The following SLC26A7 variants were observed in gnomAD, a reference collection of about 807,000 sequenced individuals.
SLC26A7 encodes solute carrier family 26 member 7, also known as anion exchange transporter.
In SLC26A7, 59 loss-of-function variants were observed where a neutral mutation model predicts 82.5. The observed-to-expected ratio is 0.72, with a 90% CI of 0.58 to 0.89. SLC26A7 has a LOEUF of 0.89. Among genes scored for constraint, SLC26A7 ranks in the 40% least tolerant of loss-of-function variants. The pLI is 0.00. For missense variants in SLC26A7, 820 were observed against 793.0 expected (o/e 1.03, Z -0.41); for synonymous variants, 271 against 274.3 (o/e 0.99, Z 0.12).
chr8:91,357,517 T>C (rs1318926380), intron 11 of SLC26A7, among the ~76,000 whole-genome samples: 1 of 152,126 alleles, frequency 6.6e-6, no homozygotes, highest in Non-Finnish European at 1.5e-5. Flanking sequence ...ACATTAATTC[T>C]ACTATTTAAC....
chr8:91,264,208 G>C (rs912937222), intron 2 of SLC26A7, among the ~76,000 whole-genome samples: 7 of 152,072 alleles, frequency 4.6e-5, no homozygotes, highest in Admixed American at 4.6e-4. Context: ...CCTGCCTGCT[G>C]AGACTCATGC....
Position 91,389,261 on chromosome 8 carries a change from C to A in SLC26A7, c.1676-77C>A, listed in dbSNP as rs1016816799. The A allele has an allele frequency of 1.0e-5, 10 of 955,042 alleles. No homozygotes were observed. The African/African-American group carries it at 1.6e-4, about 16-fold the overall frequency. 59.2% of individuals were successfully genotyped at this position (955,042 alleles called of 1,614,324 possible). A position where few individuals can be genotyped will look rare whatever the true frequency, so the allele number is the denominator to read the frequency against. On this transcript the variant is annotated intron_variant, in intron 15 of 18. Coordinates refer to ENST00000276609, the MANE Select transcript of SLC26A7 (RefSeq NM_052832.4). Reference sequence around the variant, plus strand: ...TTGTTAAACATGAGGCCACTGTTACCCTCCCACCAGTCAACAAAGCCAGCA... The same window carrying A: ...TTGTTAAACATGAGGCCACTGTTACACTCCCACCAGTCAACAAAGCCAGCA...
chr8:91,228,511 T>C (rs1301464898), intron 2 of SLC26A7, among the ~76,000 whole-genome samples: 1 of 152,190 alleles, frequency 6.6e-6, no homozygotes, highest in African/African-American at 2.4e-5. Flanking sequence ...GCCTGGATCA[T>C]GAGTTTCAGG....
chr8:91,214,211 G>A (rs1458349976), intron 1 of SLC26A7, among the ~76,000 whole-genome samples: 1 of 152,110 alleles, frequency 6.6e-6, no homozygotes, highest in African/African-American at 2.4e-5. Flanking sequence ...TTGATTGATT[G>A]AGCATGGGAA....
intron 5 of SLC26A7, among the ~76,000 whole-genome samples, chr8:91,328,622 A>G (rs1812995800): frequency 6.6e-6 from 1 of 152,154 alleles, no homozygotes; most frequent in South Asian, 2.1e-4. Flanking sequence ...GTATTCATTC[A>G]TTCAACAAAA....
At chr8:91,390,644 G>T (rs1253197866) in intron 16 of SLC26A7, among the ~76,000 whole-genome samples, 1 of 151,920 alleles carries the variant, frequency 6.6e-6, no homozygotes, top group East Asian at 1.9e-4. Context: ...GCCTCCCTGC[G>T]TGGCTTGACA....
intron 15 of SLC26A7, among the ~76,000 whole-genome samples, chr8:91,376,774 C>T (rs1586469860): frequency 6.6e-6 from 1 of 152,174 alleles, no homozygotes; most frequent in East Asian, 1.9e-4. Context: ...GGGAGGATGG[C>T]AAGGGGAGAT....
At chr8:91,303,542 G>C (rs141317837) in intron 4 of SLC26A7, among the ~76,000 whole-genome samples, 1 of 152,116 alleles carries the variant, frequency 6.6e-6, no homozygotes, top group Non-Finnish European at 1.5e-5. Flanking sequence ...GTATCTTTTA[G>C]TTAAGTTATA....
chr8:91,384,314 C>T (rs1292799862), intron 15 of SLC26A7, among the ~76,000 whole-genome samples: 1 of 152,106 alleles, frequency 6.6e-6, no homozygotes, highest in Non-Finnish European at 1.5e-5. Context: ...TCTCTCCTCT[C>T]TCATCTTCAA....
At chr8:91,245,259 A>G (rs1386323189), upstream of SLC26A7, among the ~76,000 whole-genome samples, 1 of 152,182 alleles carries the variant, frequency 6.6e-6, no homozygotes, top group Non-Finnish European at 1.5e-5. Flanking sequence ...TAATTGGGGA[A>G]AAAAAGTTCT....
intron 2 of SLC26A7, among the ~76,000 whole-genome samples, chr8:91,271,641 C>G (rs1279716118): frequency 7.1e-6 from 1 of 140,280 alleles, no homozygotes; most frequent in African/African-American, 2.7e-5. Context: ...GTCGCCCAGG[C>G]TGGAATGCAG....
intron 2 of SLC26A7, among the ~76,000 whole-genome samples, chr8:91,266,258 C>A (rs1324769965): frequency 1.3e-5 from 2 of 151,314 alleles, no homozygotes; most frequent in African/African-American, 2.4e-5. Flanking sequence ...GCTTTTTTTT[C>A]TATTTATGTG....
At chr8:91,222,779 G>A (rs765215082) in intron 2 of SLC26A7, among the ~76,000 whole-genome samples, 16 of 151,972 alleles carry the variant, frequency 1.1e-4, no homozygotes, top group Admixed American at 5.2e-4. Flanking sequence ...GAGGATTTTC[G>A]CATCCATGTT....
intron 5 of SLC26A7, among the ~76,000 whole-genome samples, chr8:91,324,009 T>G (rs1000804988): frequency 6.6e-6 from 1 of 152,012 alleles, no homozygotes; most frequent in Non-Finnish European, 1.5e-5. Flanking sequence ...GTATTTTTAG[T>G]AGAGCTGGTG....
At chr8:91,242,175 AC>A (rs1810483818) in intron 2 of SLC26A7, among the ~76,000 whole-genome samples, 1 of 152,202 alleles carries the variant, frequency 6.6e-6, no homozygotes, top group African/African-American at 2.4e-5. Flanking sequence ...AAGTTTTTAG[AC>A]AAACTTCAAT....
chr8:91,264,486 G>A (rs1811054582), intron 2 of SLC26A7, among the ~76,000 whole-genome samples: 1 of 151,920 alleles, frequency 6.6e-6, no homozygotes, highest in Non-Finnish European at 1.5e-5. Flanking sequence ...AATAAACCTG[G>A]AAAACCAAAA....
Position 91,389,410 on chromosome 8 carries a change from A to T in SLC26A7, c.1748A>T (p.Asp583Val). 6.2e-7 allele frequency: 1 copy of T among 1,613,430 alleles called. No individual in the cohort carries two copies. Among genetic ancestry groups the T allele is most frequent in the Middle Eastern group, 1.6e-4 (1 of 6,062 alleles). ...ILDCSGFTFF[D>V]YSGVSMLVEV... The stretch of plus-strand genomic sequence containing the variant: ...GATTGCAGTGGATTTACCTTTTTTG[A>T]CTATTCTGGAGTCTCCATGCTTGTT... The change falls in exon 16 of 19, where the codon GAC becomes GTC. Residue 583 changes from aspartate to valine, a missense_variant. Asp to Val is a radical substitution (Grantham distance 152). Transcript: ENST00000276609.
At chr8:91,297,405 A>G (rs1417507986) in intron 4 of SLC26A7, among the ~76,000 whole-genome samples, 3 of 152,054 alleles carry the variant, frequency 2.0e-5, no homozygotes, top group Non-Finnish European at 2.9e-5. Flanking sequence ...CAGGATTCTA[A>G]CAACATAAAA....
At chr8:91,308,851 G>A (rs1812398009) in intron 4 of SLC26A7, among the ~76,000 whole-genome samples, 1 of 152,074 alleles carries the variant, frequency 6.6e-6, no homozygotes, top group Middle Eastern at 3.2e-3. Context: ...CTCTGTGTCT[G>A]TCTTTGACAC....
Sources: allele counts gnomAD v4.1 joint callset (sites outside exome capture counted in the v4.1 genomes callset), GRCh38; gene constraint gnomAD v4.1.1; transcripts MANE v1.5; gene names NCBI Gene and HGNC (gene_info 2026-07-23, HGNC 2026-07-21).